Variants in GLIPR1L2 observed in about 807,000 individuals in gnomAD.
The protein encoded by GLIPR1L2 is GLIPR1 like 2.
In GLIPR1L2, 21 loss-of-function variants were observed where a neutral mutation model predicts 28.4. That is an observed-to-expected ratio of 0.74 (90% CI 0.52 to 1.06). The LOEUF (loss-of-function observed/expected upper bound fraction) is 1.06, where lower values mean the gene tolerates loss of function less well. GLIPR1L2 is among the 50% of genes least tolerant of loss of function. GLIPR1L2 has a pLI of 0.00. For missense variants in GLIPR1L2, 476 were observed against 416.9 expected (o/e 1.14, Z -1.23); for synonymous variants, 145 against 139.3 (o/e 1.04, Z -0.29).
chr12:75,419,844 A>G (rs2045959490), intron 3 of GLIPR1L2, among the ~76,000 whole-genome samples: 1 of 152,222 alleles, frequency 6.6e-6, no homozygotes, highest in Admixed American at 6.5e-5. Flanking sequence ...GTTGACCTTG[A>G]ATAGGCCCAG....
chr12:75,394,026 A>C (rs1364984113), intron 1 of GLIPR1L2, among the ~76,000 whole-genome samples: 1 of 152,020 alleles, frequency 6.6e-6, no homozygotes, highest in Non-Finnish European at 1.5e-5. Context: ...GATATTGAGC[A>C]TCTTTTTATT....
At chr12:75,401,401 C>T (rs1249606338) in intron 1 of GLIPR1L2, among the ~76,000 whole-genome samples, 1 of 150,240 alleles carries the variant, frequency 6.7e-6, no homozygotes, top group African/African-American at 2.4e-5. Context: ...AGGTATAATC[C>T]ATGAAGATAA....
intron 1 of GLIPR1L2, among the ~76,000 whole-genome samples, chr12:75,392,369 C>CA (rs1363605688): frequency 6.6e-6 from 1 of 152,134 alleles, no homozygotes; most frequent in Non-Finnish European, 1.5e-5. Context: ...GAATAAATTA[C>CA]AAAAATGGTC....
chr12:75,424,161 T>G (rs894592057), intron 4 of GLIPR1L2: 2 of 152,362 alleles, frequency 1.3e-5, no homozygotes, highest in East Asian at 3.9e-4. Flanking sequence ...CCACAATGGT[T>G]GAACTAGTTT....
intron 1 of GLIPR1L2, among the ~76,000 whole-genome samples, chr12:75,403,814 C>T (rs1047100734): frequency 6.6e-6 from 1 of 152,094 alleles, no homozygotes; most frequent in Non-Finnish European, 1.5e-5. Context: ...CCATTAGAGG[C>T]TTTCAAGAAA....
At chr12:75,396,759 G>A (rs2045685297) in intron 1 of GLIPR1L2, among the ~76,000 whole-genome samples, 1 of 152,130 alleles carries the variant, frequency 6.6e-6, no homozygotes. Context: ...TTGAAACCCA[G>A]TACTCTGTAT....
At chr12:75,394,173 G>C (rs1427465297) in intron 1 of GLIPR1L2, among the ~76,000 whole-genome samples, 1 of 151,952 alleles carries the variant, frequency 6.6e-6, no homozygotes, top group Non-Finnish European at 1.5e-5. Context: ...ATCTTTTTCA[G>C]ATATATGATT....
intron 3 of GLIPR1L2, among the ~76,000 whole-genome samples, chr12:75,414,395 T>C (rs2045904201): frequency 6.6e-6 from 1 of 152,018 alleles, no homozygotes; most frequent in Non-Finnish European, 1.5e-5. Flanking sequence ...ACATCTTAAA[T>C]AAACAGTAAG....
chr12:75,431,326 A>G lies in GLIPR1L2; in HGVS notation c.*165A>G. ...ATTCCCTTCTCTCCTATACTTATTC[A>G]ATCAATTTAAATTTGTAAAACAAAG... is the stretch of plus-strand genomic sequence containing the variant. On this transcript the variant is annotated 3_prime_UTR_variant, in exon 6 of 6. Coordinates refer to ENST00000550916, the MANE Select transcript of GLIPR1L2 (RefSeq NM_001270396.2). The G allele has an allele frequency of 2.0e-6, 1 of 493,322 alleles. No individual in the cohort carries two copies. The highest frequency in any genetic ancestry group is 3.5e-6 in the Non-Finnish European group (1 of 282,922). The allele number at this position is 493,322 out of a possible 1,614,324, so 30.6% of individuals were successfully genotyped here.
In GLIPR1L2 at chr12:75,410,421, G is replaced by T. The variant is rs1196315385; in HGVS notation, c.235-13G>T. On this transcript the variant is annotated splice_polypyrimidine_tract_variant and intron_variant, in intron 1 of 5. Coordinates refer to ENST00000550916, the MANE Select transcript of GLIPR1L2 (RefSeq NM_001270396.2). Reference sequence around the variant, plus strand: ...ACTTATTTTGTTCTCTTTGCTTTTTGAATATTTTTCAGACTTGGGATGTAG... The same window carrying T: ...ACTTATTTTGTTCTCTTTGCTTTTTTAATATTTTTCAGACTTGGGATGTAG... The T allele has an allele frequency of 6.7e-7, 1 of 1,495,984 alleles. No homozygotes were observed. The highest frequency in any genetic ancestry group is 2.4e-5 in the Admixed American group (1 of 42,224). The allele number at this position is 1,495,984 out of a possible 1,614,324, so 92.7% of individuals were successfully genotyped here. A position where few individuals can be genotyped will look rare whatever the true frequency, so the allele number is the denominator to read the frequency against.
At chr12:75,413,362 T>TA (rs34217466) in intron 2 of GLIPR1L2, among the ~76,000 whole-genome samples, 25,102 of 148,950 alleles carry the variant, frequency 0.17, 2,258 homozygotes, top group Admixed American at 0.23. Context: ...AAAATAAAAT[T>TA]AAAAAAAAAA....
rs1237738333 is a variant in GLIPR1L2, at chr12:75,400,016, C to CTA, written c.234+8667_234+8668dup. On this transcript the variant is annotated intron_variant, in intron 1 of 5. Transcript: ENST00000550916. ...ATTAACAAATTATTGGAAAGATACT[C>CTA]TAATCTCCAGCACTGAGGGTTAACT... Among the ~76,000 whole-genome samples the CTA allele has an allele frequency of 3.9e-5, 6 of 152,184 alleles. 1 individual carries two copies. Among genetic ancestry groups the CTA allele is most frequent in the African/African-American group, 1.4e-4 (6 of 41,444 alleles).
intron 1 of GLIPR1L2, chr12:75,403,037 C>A: frequency 2.2e-6 from 1 of 457,108 alleles, no homozygotes; most frequent in South Asian, 1.5e-5. Context: ...GCTGTGACTC[C>A]GATGGTAGCA....
Position 75,432,039 on chromosome 12 carries a change from A to G in GLIPR1L2, c.*878A>G, listed in dbSNP as rs2046097349. On this transcript the variant is annotated 3_prime_UTR_variant, in exon 6 of 6. Transcript: ENST00000550916. ...TGGATAGCACTAGATGACCACTAAG[A>G]CCTCTTCCATCAATGAATATTCATG... is the stretch of plus-strand genomic sequence containing the variant. The G allele has an allele frequency of 6.6e-6, 1 of 152,018 alleles. No homozygotes were observed. The highest frequency in any genetic ancestry group is 2.4e-5 in the African/African-American group (1 of 41,400). 9.4% of individuals were successfully genotyped at this position (152,018 alleles called of 1,614,324 possible).
At chr12:75,409,565 G>GTGTATATATA (rs1555232633) in intron 1 of GLIPR1L2, among the ~76,000 whole-genome samples, 1,896 of 143,386 alleles carry the variant, frequency 0.013, 23 homozygotes, top group African/African-American at 0.028. Context: ...GGGTGTGTGT[G>GTGTATATATA]TATATATATA....
chr12:75,403,809 A>G (rs1002491190), intron 1 of GLIPR1L2, among the ~76,000 whole-genome samples: 4 of 152,090 alleles, frequency 2.6e-5, no homozygotes, highest in Non-Finnish European at 5.9e-5. Flanking sequence ...TGCCCCCATT[A>G]GAGGCTTTCA....
At chr12:75,412,846 T>C (rs1391910444) in intron 2 of GLIPR1L2, among the ~76,000 whole-genome samples, 2 of 152,112 alleles carry the variant, frequency 1.3e-5, no homozygotes, top group African/African-American at 4.8e-5. Context: ...CATTACTGGG[T>C]ATATACCCAA....
chr12:75,417,656 G>A (rs1375209314), intron 3 of GLIPR1L2, among the ~76,000 whole-genome samples: 1 of 151,864 alleles, frequency 6.6e-6, no homozygotes, highest in Non-Finnish European at 1.5e-5. Flanking sequence ...CTACAAATTG[G>A]TGTTTCTAAA....
chr12:75,394,714 G>C (rs893138585), intron 1 of GLIPR1L2, among the ~76,000 whole-genome samples: 2 of 142,556 alleles, frequency 1.4e-5, no homozygotes, highest in African/African-American at 2.6e-5. Context: ...GGCCATACAG[G>C]GTCCTTTCAG....
Sources: allele counts gnomAD v4.1 joint callset (sites outside exome capture counted in the v4.1 genomes callset), GRCh38; gene constraint gnomAD v4.1.1; transcripts MANE v1.5; gene names NCBI Gene and HGNC (gene_info 2026-07-23, HGNC 2026-07-21).